AFAP1L2: variants seen among roughly 807,000 people sequenced by gnomAD.
AFAP1L2 encodes actin filament associated protein 1 like 2, also known as actin filament-associated protein 1-like 2.
In AFAP1L2, 46 loss-of-function variants were observed where a neutral mutation model predicts 99.3. The observed-to-expected ratio is 0.46, with a 90% CI of 0.37 to 0.59. The LOEUF (loss-of-function observed/expected upper bound fraction) is 0.59, where lower values mean the gene tolerates loss of function less well. AFAP1L2 is among the 20% of genes least tolerant of loss of function. The pLI is 0.00. For synonymous variants in AFAP1L2, 397 were observed against 419.1 expected, an observed-to-expected ratio of 0.95 and a Z score of 0.64; for missense variants, 959 against 1,034.9, an observed-to-expected ratio of 0.93 and a Z score of 1.01.
chr10:114,313,371 G>A (rs1337522614), intron 7 of AFAP1L2, among the ~76,000 whole-genome samples: 1 of 152,166 alleles, frequency 6.6e-6, no homozygotes, highest in Non-Finnish European at 1.5e-5. Context: ...CGTGGTGGGA[G>A]GAGGCACAGC....
the AFAP1L2 span, among the ~76,000 whole-genome samples, chr10:114,288,696 A>G: frequency 1.3e-5 from 2 of 152,226 alleles, no homozygotes; most frequent in Non-Finnish European, 2.9e-5. Flanking sequence ...TAGAACTTAG[A>G]CACGTGGCCA....
chr10:114,387,164 C>CCTGG (rs2056605389), intron 1 of AFAP1L2, among the ~76,000 whole-genome samples: 1 of 152,166 alleles, frequency 6.6e-6, no homozygotes, highest in Non-Finnish European at 1.5e-5. Context: ...CTTCCCTCAG[C>CCTGG]CTGGAATTGC....
At chr10:114,287,779 C>T in the AFAP1L2 span, among the ~76,000 whole-genome samples, 1 of 152,206 alleles carries the variant, frequency 6.6e-6, no homozygotes, top group Non-Finnish European at 1.5e-5. Context: ...GTTTCCCCTC[C>T]TATTAACACC....
chr10:114,362,579 C>A (rs2052588641), intron 1 of AFAP1L2, among the ~76,000 whole-genome samples: 1 of 152,140 alleles, frequency 6.6e-6, no homozygotes, highest in South Asian at 2.1e-4. Flanking sequence ...GGAGCGCGGA[C>A]CTGCTGACAC....
intron 11 of AFAP1L2, among the ~76,000 whole-genome samples, chr10:114,304,459 A>G (rs1194089377): frequency 2.0e-5 from 3 of 152,206 alleles, no homozygotes; most frequent in Non-Finnish European, 4.4e-5. Context: ...CTTTTCCAGT[A>G]GCTCAGAGAA....
At chr10:114,388,517 T>C (rs1243699486) in intron 1 of AFAP1L2, among the ~76,000 whole-genome samples, 1 of 152,190 alleles carries the variant, frequency 6.6e-6, no homozygotes, top group Non-Finnish European at 1.5e-5. Context: ...CTCTCTGAAA[T>C]GAACCTGTTT....
chr10:114,327,173 A>ATATATATTT (rs1491191152), intron 4 of AFAP1L2, among the ~76,000 whole-genome samples: 4 of 18,688 alleles, frequency 2.1e-4, no homozygotes, highest in African/African-American at 4.6e-4. Context: ...ATATATATAT[A>ATATATATTT]TTTTTTTTTT....
At chr10:114,393,390 G>A (rs548670547) in intron 1 of AFAP1L2, 1 of 152,304 alleles carries the variant, frequency 6.6e-6, no homozygotes, top group South Asian at 2.1e-4. Flanking sequence ...TCTCACACAG[G>A]GAATGTGGGC....
At chr10:114,399,341 G>A (rs989651722) in intron 1 of AFAP1L2, among the ~76,000 whole-genome samples, 9 of 152,206 alleles carry the variant, frequency 5.9e-5, no homozygotes, top group Non-Finnish European at 7.3e-5. Context: ...GTCAGGGGAG[G>A]CTTCCTGGAT....
chr10:114,308,626 A>G (rs1022062440), intron 8 of AFAP1L2, 109 bp from the exon 9 acceptor site: 12 of 956,986 alleles, frequency 1.3e-5, no homozygotes, highest in Non-Finnish European at 1.7e-5. Context: ...GCCAGAGGTC[A>G]GCTGAGCAAA....
Position 114,318,857 on chromosome 10 carries a change from A to G in AFAP1L2, c.407-3092T>C, listed in dbSNP as rs546802326. Among the ~76,000 whole-genome samples the G allele has an allele frequency of 1.1e-3, 170 of 152,008 alleles. 1 individual carries two copies. Among genetic ancestry groups the G allele is most frequent in the Admixed American group, 2.3e-3 (35 of 15,258 alleles). On this transcript the variant is annotated intron_variant, in intron 5 of 18. Transcript: ENST00000304129. ...TAAAAGGGATCACAGCACACCACAAACATTGCATATTCTTGGCCAGGCATG... is the reference window on the plus strand; with the variant it reads ...TAAAAGGGATCACAGCACACCACAAGCATTGCATATTCTTGGCCAGGCATG...
At chr10:114,285,545 A>G in the AFAP1L2 span, among the ~76,000 whole-genome samples, 52 of 152,366 alleles carry the variant, frequency 3.4e-4, no homozygotes, top group Admixed American at 1.2e-3. Context: ...TCACAACCCT[A>G]CCAGAAGTCA....
At chr10:114,370,604 G>T (rs1167215503) in intron 1 of AFAP1L2, among the ~76,000 whole-genome samples, 1 of 152,218 alleles carries the variant, frequency 6.6e-6, no homozygotes, top group Non-Finnish European at 1.5e-5. Flanking sequence ...TAAGCCAGAT[G>T]TTTTTTGGGC....
chr10:114,348,929 G>A (rs1457393279), intron 1 of AFAP1L2, among the ~76,000 whole-genome samples: 1 of 152,182 alleles, frequency 6.6e-6, no homozygotes, highest in African/African-American at 2.4e-5. Context: ...ATAAAATTAT[G>A]TGTAAAAAAA....
At chr10:114,326,659 G>C (rs2046334181) in intron 4 of AFAP1L2, among the ~76,000 whole-genome samples, 1 of 152,130 alleles carries the variant, frequency 6.6e-6, no homozygotes, top group South Asian at 2.1e-4. Flanking sequence ...GTGCAGGGCA[G>C]GAGTGGAGTC....
chr10:114,399,337 G>A (rs2058032187), intron 1 of AFAP1L2, among the ~76,000 whole-genome samples: 1 of 152,188 alleles, frequency 6.6e-6, no homozygotes, highest in African/African-American at 2.4e-5. Flanking sequence ...GGGAGTCAGG[G>A]GAGGCTTCCT....
At chr10:114,385,740 AC>A (rs1302762717) in intron 1 of AFAP1L2, among the ~76,000 whole-genome samples, 1 of 152,138 alleles carries the variant, frequency 6.6e-6, no homozygotes, top group African/African-American at 2.4e-5. Flanking sequence ...AACATTCTTA[AC>A]TCAGCCTAGC....
chr10:114,372,069 C>T (rs185204345), intron 1 of AFAP1L2, among the ~76,000 whole-genome samples: 193 of 152,360 alleles, frequency 1.3e-3, no homozygotes, highest in Non-Finnish European at 1.9e-3. Context: ...AAGGTTCTTT[C>T]CCTTAACTTG....
At chr10:114,384,834 G>C (rs965990243) in intron 1 of AFAP1L2, among the ~76,000 whole-genome samples, 3 of 152,210 alleles carry the variant, frequency 2.0e-5, no homozygotes, top group African/African-American at 7.2e-5. Flanking sequence ...ACACTCAGTG[G>C]GGACTTCCAA....
Sources: gnomAD v4.1 joint callset for allele counts (sites outside exome capture counted in the v4.1 genomes callset) on GRCh38, gnomAD v4.1.1 for gene constraint, MANE v1.5 for transcripts, NCBI Gene and HGNC (gene_info 2026-07-23, HGNC 2026-07-21) for gene names.